OPCML: variants seen among roughly 807,000 people sequenced by gnomAD.
OPCML encodes opioid-binding protein/cell adhesion molecule.
Under a neutral mutation model 37.8 loss-of-function variants are expected in OPCML, and 13 were observed. The ratio of observed to expected loss-of-function variants is 0.34; its 90% CI spans 0.22 to 0.55. The LOEUF is 0.55. OPCML is among the 20% of genes least tolerant of loss of function. The pLI is 0.91. For synonymous variants in OPCML, 176 were observed against 168.8 expected, an observed-to-expected ratio of 1.04 and a Z score of -0.33; for missense variants, 341 against 435.6, an observed-to-expected ratio of 0.78 and a Z score of 1.93.
chr11:132,444,944 G>A (rs911222854), intron 4 of OPCML, among the ~76,000 whole-genome samples: 2 of 152,216 alleles, frequency 1.3e-5, no homozygotes, highest in African/African-American at 4.8e-5. Flanking sequence ...ATTAACACAA[G>A]CAATTGAATT....
At chr11:132,656,456 G>A (rs1209000206) in intron 3 of OPCML, among the ~76,000 whole-genome samples, 1 of 152,178 alleles carries the variant, frequency 6.6e-6, no homozygotes, top group Non-Finnish European at 1.5e-5. Flanking sequence ...GGAAGAAGAT[G>A]CTAAGTCTTC....
At chr11:133,525,582 TAGTG>T (rs1948473870) in intron 1 of OPCML, among the ~76,000 whole-genome samples, 1 of 152,196 alleles carries the variant, frequency 6.6e-6, no homozygotes, top group African/African-American at 2.4e-5. Context: ...CACAGTCTCT[TAGTG>T]AGGAACAAAT....
intron 2 of OPCML, among the ~76,000 whole-genome samples, chr11:132,797,622 A>G (rs1745976917): frequency 6.6e-6 from 1 of 152,262 alleles, no homozygotes; most frequent in African/African-American, 2.4e-5. Flanking sequence ...ATTTATGTTT[A>G]TATTATACTG....
rs182525647 is a variant in OPCML at position 133,098,368 on chromosome 11, A to T, written c.62-155358T>A. ...GTAGCTGGGACTACAGGCGCCCGCCACCACACCTGGCTACTTTTTTGTATT... is the reference window on the plus strand; with the variant it reads ...GTAGCTGGGACTACAGGCGCCCGCCTCCACACCTGGCTACTTTTTTGTATT... On this transcript the variant is annotated intron_variant, in intron 1 of 7. Coordinates refer to ENST00000524381, the MANE Select transcript of OPCML (RefSeq NM_001012393.5). 7.0e-4 allele frequency among the ~76,000 whole-genome samples: 106 copies of T among 151,938 alleles called. No homozygotes were observed. In the East Asian group the frequency reaches 0.02, roughly 28 times the overall value.
chr11:133,253,039 G>A (rs911482979), intron 1 of OPCML, among the ~76,000 whole-genome samples: 4 of 151,674 alleles, frequency 2.6e-5, no homozygotes, highest in South Asian at 4.2e-4. Context: ...CCAGCTACTC[G>A]GGAGGCTGAG....
intron 3 of OPCML, among the ~76,000 whole-genome samples, chr11:132,560,577 G>C (rs2096408431): frequency 6.6e-6 from 1 of 152,090 alleles, no homozygotes; most frequent in Non-Finnish European, 1.5e-5. Flanking sequence ...TCATAGTTTA[G>C]CTCCCATTTA....
At chr11:132,535,829 T>G (rs1022577487) in intron 3 of OPCML, among the ~76,000 whole-genome samples, 3 of 152,150 alleles carry the variant, frequency 2.0e-5, no homozygotes, top group Non-Finnish European at 2.9e-5. Flanking sequence ...CACCTGCTTA[T>G]GGTTTGGGTG....
chr11:133,016,434 A>G (rs1443611384), intron 1 of OPCML, among the ~76,000 whole-genome samples: 1 of 152,200 alleles, frequency 6.6e-6, no homozygotes, highest in Non-Finnish European at 1.5e-5. Flanking sequence ...CAAAGCCAGC[A>G]AAGGCCTGTC....
At chr11:133,532,108 C>T (rs1014153378) in intron 1 of OPCML, 156 bp downstream of exon 1, 55 of 719,408 alleles carry the variant, frequency 7.6e-5, no homozygotes, top group Non-Finnish European at 8.9e-5. Context: ...TGTGTGTGTG[C>T]GTGCACACAG....
At chr11:132,955,478 A>G (rs1022926518) in intron 1 of OPCML, among the ~76,000 whole-genome samples, 10 of 152,184 alleles carry the variant, frequency 6.6e-5, no homozygotes, top group Non-Finnish European at 4.4e-5. Flanking sequence ...CACCTGACAG[A>G]TGCTATCTAA....
At chr11:132,555,474 C>A (rs1047818275) in intron 3 of OPCML, among the ~76,000 whole-genome samples, 7 of 152,146 alleles carry the variant, frequency 4.6e-5, no homozygotes, top group Admixed American at 3.9e-4. Flanking sequence ...TCCCATAATT[C>A]AATTATCTCC....
rs68143578 is a variant in OPCML at position 132,441,165 on chromosome 11, G to GTTTTTTTTTTTTTTTTTTTTTT, written c.506-3807_506-3806insAAAAAAAAAAAAAAAAAAAAAA. Among the ~76,000 whole-genome samples, 51 of 72,392 alleles carry GTTTTTTTTTTTTTTTTTTTTTT rather than the reference G, an allele frequency of 7.0e-4. 5 individuals are homozygous for GTTTTTTTTTTTTTTTTTTTTTT. The highest frequency in any genetic ancestry group is 8.6e-4 in the Non-Finnish European group (38 of 44,014). The allele number at this position is 72,392 out of a possible 152,430, so 47.5% of individuals were successfully genotyped here. On this transcript the variant is annotated intron_variant, in intron 4 of 7. Transcript: ENST00000524381. ...AGATGTGTTCACCAAGGACTTTTTT[G>GTTTTTTTTTTTTTTTTTTTTTT]TTTTTTTTTTTTTTTTTTTTGAGAC...
intron 1 of OPCML, among the ~76,000 whole-genome samples, chr11:133,379,382 T>G (rs1174180774): frequency 6.6e-6 from 1 of 152,230 alleles, no homozygotes; most frequent in Non-Finnish European, 1.5e-5. Context: ...TTTAGAGAGC[T>G]CCCTCTGCGG....
chr11:133,294,289 C>A lies in OPCML; in HGVS notation c.61+237975G>T, dbSNP rs568880899. On this transcript the variant is annotated intron_variant, in intron 1 of 7. Coordinates refer to ENST00000524381, the MANE Select transcript of OPCML (RefSeq NM_001012393.5). ...AATCACACCCACAGATAGAACAGAG[C>A]AGTGGCCTCCCCTGGTGCTTGAGAT... 5.9e-5 allele frequency among the ~76,000 whole-genome samples: 9 copies of A among 152,198 alleles called. No homozygotes were observed. In the South Asian group the frequency reaches 1.9e-3, roughly 32 times the overall value.
At chr11:132,945,390 A>T (rs1945722817) in intron 1 of OPCML, among the ~76,000 whole-genome samples, 2 of 152,180 alleles carry the variant, frequency 1.3e-5, no homozygotes, top group Non-Finnish European at 2.9e-5. Context: ...GGATTTGTGT[A>T]TCTAAACACA....
intron 2 of OPCML, among the ~76,000 whole-genome samples, chr11:132,697,511 T>C (rs988148983): frequency 6.6e-6 from 1 of 152,214 alleles, no homozygotes; most frequent in Admixed American, 6.5e-5. Flanking sequence ...AGATTCTACA[T>C]ATAAGTGAGA....
intron 1 of OPCML, among the ~76,000 whole-genome samples, chr11:133,154,656 G>A (rs567624095): frequency 8.5e-5 from 13 of 152,208 alleles, no homozygotes; most frequent in Non-Finnish European, 1.9e-4. Flanking sequence ...AACAATTCAA[G>A]CCCATTCGAG....
chr11:132,972,312 C>T (rs1223903878), intron 1 of OPCML, among the ~76,000 whole-genome samples: 1 of 152,070 alleles, frequency 6.6e-6, no homozygotes, highest in Non-Finnish European at 1.5e-5. Context: ...ATTTAATGTC[C>T]CACACTAAAC....
chr11:133,150,327 C>G (rs1378275511), intron 1 of OPCML, among the ~76,000 whole-genome samples: 1 of 152,214 alleles, frequency 6.6e-6, no homozygotes, highest in Non-Finnish European at 1.5e-5. Flanking sequence ...CTGAGGGCTT[C>G]TGTCATCGTC....
Sources: gnomAD v4.1 joint callset for allele counts (sites outside exome capture counted in the v4.1 genomes callset) on GRCh38, gnomAD v4.1.1 for gene constraint, MANE v1.5 for transcripts, NCBI Gene and HGNC (gene_info 2026-07-23, HGNC 2026-07-21) for gene names.